Variants in EDARADD observed in about 807,000 individuals in gnomAD.
EDARADD encodes the protein EDAR associated via death domain.
In EDARADD, 20 loss-of-function variants were observed where a neutral mutation model predicts 25.6. The ratio of observed to expected loss-of-function variants is 0.78; its 90% CI spans 0.55 to 1.14. The LOEUF (loss-of-function observed/expected upper bound fraction) is 1.14. Among genes scored for constraint, EDARADD ranks in the 50% most tolerant of loss-of-function variants. The pLI, the probability that EDARADD is intolerant of heterozygous loss-of-function variation, is 0.00. For missense variants in EDARADD, 225 were observed against 270.1 expected, an observed-to-expected ratio of 0.83 and a Z score of 1.17; for synonymous variants, 86 against 94.4, an observed-to-expected ratio of 0.91 and a Z score of 0.52.
intron 4 of EDARADD, among the ~76,000 whole-genome samples, chr1:236,441,319 T>C (rs900090816): frequency 6.9e-6 from 1 of 145,008 alleles, no homozygotes; most frequent in African/African-American, 2.5e-5. Context: ...TAAATATATA[T>C]AAATGTATAT....
At chr1:236,383,388 A>C (rs1432854046) in intron 3 of EDARADD, among the ~76,000 whole-genome samples, 1 of 7,572 alleles carries the variant, frequency 1.3e-4, no homozygotes, top group Non-Finnish European at 8.6e-4. Flanking sequence ...CTCCGTCTCA[A>C]AAAAAAAAAA....
intron 3 of EDARADD, among the ~76,000 whole-genome samples, chr1:236,351,564 G>A (rs1350028648): frequency 1.3e-5 from 2 of 152,002 alleles, no homozygotes; most frequent in African/African-American, 4.8e-5. Context: ...ACAAAAATTA[G>A]CCGGGCGTGG....
At chr1:236,455,017 T>C (rs1015934574) in intron 4 of EDARADD, among the ~76,000 whole-genome samples, 4 of 151,998 alleles carry the variant, frequency 2.6e-5, no homozygotes, top group Non-Finnish European at 4.4e-5. Flanking sequence ...CGAGAGCAGC[T>C]TGGCCAATAT....
At chr1:236,353,492 C>T (rs1000090140) in intron 3 of EDARADD, among the ~76,000 whole-genome samples, 5 of 151,876 alleles carry the variant, frequency 3.3e-5, no homozygotes, top group Admixed American at 6.6e-5. Context: ...CCAGCCTGGC[C>T]AACATGGTGA....
At chr1:236,444,390 A>G (rs1346289067) in intron 4 of EDARADD, among the ~76,000 whole-genome samples, 1 of 152,154 alleles carries the variant, frequency 6.6e-6, no homozygotes, top group Non-Finnish European at 1.5e-5. Flanking sequence ...TTAAGGTCAT[A>G]CAGTACTGAG....
At chr1:236,393,807 C>T (rs902580692), upstream of EDARADD, among the ~76,000 whole-genome samples, 3 of 152,088 alleles carry the variant, frequency 2.0e-5, no homozygotes, top group Non-Finnish European at 2.9e-5. Context: ...CTGGTGAATG[C>T]GAATCATTTT....
At chr1:236,360,614 T>C (rs966909039) in intron 3 of EDARADD, among the ~76,000 whole-genome samples, 6 of 150,498 alleles carry the variant, frequency 4.0e-5, no homozygotes, top group Non-Finnish European at 7.4e-5. Flanking sequence ...GGTGCCATCT[T>C]GGTTCACTGT....
intron 3 of EDARADD, among the ~76,000 whole-genome samples, chr1:236,370,567 GGAGGCCAGT>G (rs1667162759): frequency 6.6e-6 from 1 of 152,176 alleles, no homozygotes; most frequent in South Asian, 2.1e-4. Context: ...GTGGGTAGGG[GGAGGCCAGT>G]GAGCCAGGAG....
Position 236,482,767 on chromosome 1 carries a change from G to T in EDARADD, c.*118G>T. ...ACAAGGACGTGGAACAGTGGACACT[G>T]GTTTTCCCCAAAGCTGGCAGTTTTG... On this transcript the variant is annotated 3_prime_UTR_variant, in exon 6 of 6. Transcript: ENST00000334232. 1 of 1,496,356 alleles carries T rather than the reference G, an allele frequency of 6.7e-7. No homozygotes were observed. The highest frequency in any genetic ancestry group is 9.1e-7 in the Non-Finnish European group (1 of 1,097,432). The allele number at this position is 1,496,356 out of a possible 1,614,324, so 92.7% of individuals were successfully genotyped here.
At chr1:236,419,628 C>T (rs1179958639) in intron 3 of EDARADD, among the ~76,000 whole-genome samples, 1 of 152,040 alleles carries the variant, frequency 6.6e-6, no homozygotes, top group Non-Finnish European at 1.5e-5. Flanking sequence ...CTAAGGCGGT[C>T]TGGGGGAGAG....
At chr1:236,415,957 A>G (rs1446204963) in intron 3 of EDARADD, among the ~76,000 whole-genome samples, 1 of 152,218 alleles carries the variant, frequency 6.6e-6, no homozygotes, top group Non-Finnish European at 1.5e-5. Context: ...GAGTCTCCCC[A>G]GCAGTTCTCA....
rs771970252 is a variant in EDARADD, at chr1:236,414,249, G to A, written c.121-11G>A. 2 of 1,606,858 alleles carry A rather than the reference G, an allele frequency of 1.2e-6. No homozygotes were observed. Among genetic ancestry groups the A allele is most frequent in the Admixed American group, 3.3e-5 (2 of 59,956 alleles). ...TTAAAAATAATTCTCCTCTTTTGTT[G>A]GTTTCTACAGTCAGACAAATATCCC... On this transcript the variant is annotated splice_polypyrimidine_tract_variant and intron_variant, in intron 2 of 5. Coordinates refer to ENST00000334232, the MANE Select transcript of EDARADD (RefSeq NM_145861.4).
At chr1:236,432,703 A>C (rs1403331445) in intron 4 of EDARADD, among the ~76,000 whole-genome samples, 1 of 152,060 alleles carries the variant, frequency 6.6e-6, no homozygotes, top group Non-Finnish European at 1.5e-5. Flanking sequence ...TGGCCAACAC[A>C]GTGAAACCCC....
At chr1:236,452,754 G>A (rs1261416905) in intron 4 of EDARADD, among the ~76,000 whole-genome samples, 1 of 152,102 alleles carries the variant, frequency 6.6e-6, no homozygotes. Flanking sequence ...ACCCTTAGCT[G>A]GTCTTGGGGT....
At position 236,482,282 on chromosome 1, in the gene EDARADD, ACTC is replaced by A; in HGVS notation, c.284_286del (p.Ser95del). Reference sequence around the variant, plus strand: ...CTCCCTGCAGAGATCAGCAAGGACAACTCCTGCAAAGAAAACTGTACTTGTTCC... The same window carrying A: ...CTCCCTGCAGAGATCAGCAAGGACAACTGCAAAGAAAACTGTACTTGTTCC... On this transcript the variant is annotated inframe_deletion, in exon 6 of 6. Transcript: ENST00000334232. 6.2e-7 allele frequency: 1 copy of A among 1,614,006 alleles called. No homozygotes were observed. Among genetic ancestry groups the A allele is most frequent in the South Asian group, 1.1e-5 (1 of 91,080 alleles).
chr1:236,471,215 T>G (rs1208459227), intron 5 of EDARADD, among the ~76,000 whole-genome samples: 2 of 152,216 alleles, frequency 1.3e-5, no homozygotes, highest in Non-Finnish European at 2.9e-5. Flanking sequence ...CTTAAAAGGA[T>G]GCTTTAGAGA....
In EDARADD at chr1:236,483,749, C is replaced by T; in HGVS notation, c.*1100C>T. Reference sequence around the variant, plus strand: ...AGGTTTACCACAGCCTGAAGAATGTCATCAAGGAGAAATATGGGAAAGATG... The same window carrying T: ...AGGTTTACCACAGCCTGAAGAATGTTATCAAGGAGAAATATGGGAAAGATG... On this transcript the variant is annotated 3_prime_UTR_variant, in exon 6 of 6. Coordinates refer to ENST00000334232, the MANE Select transcript of EDARADD (RefSeq NM_145861.4). 6.7e-7 allele frequency: 1 copy of T among 1,503,388 alleles called. No homozygotes were observed. The highest frequency in any genetic ancestry group is 9.2e-7 in the Non-Finnish European group (1 of 1,081,166). 93.1% of individuals were successfully genotyped at this position (1,503,388 alleles called of 1,614,324 possible). A position where few individuals can be genotyped will look rare whatever the true frequency, so the allele number is the denominator to read the frequency against.
intron 3 of EDARADD, among the ~76,000 whole-genome samples, chr1:236,385,424 AAAAAAAAT>A (rs796160216): frequency 2.6e-4 from 33 of 128,246 alleles, no homozygotes; most frequent in Admixed American, 7.5e-4. Context: ...AAAAAAAAAA[AAAAAAAAT>A]GCTCTTCCAG....
intron 3 of EDARADD, among the ~76,000 whole-genome samples, chr1:236,382,850 C>G (rs1050861715): frequency 2.8e-4 from 42 of 152,286 alleles, no homozygotes; most frequent in Non-Finnish European, 4.1e-4. Flanking sequence ...CTGAAGTTCC[C>G]ACATGGTTCT....
Sources: gnomAD v4.1 joint callset for allele counts (sites outside exome capture counted in the v4.1 genomes callset) on GRCh38, gnomAD v4.1.1 for gene constraint, MANE v1.5 for transcripts, NCBI Gene and HGNC (gene_info 2026-07-23, HGNC 2026-07-21) for gene names.